The following QTMAN variants were observed in gnomAD, a reference collection of about 807,000 sequenced individuals.
QTMAN encodes the protein queuosine-tRNA mannosyltransferase.
the QTMAN span, among the ~76,000 whole-genome samples, chr2:144,083,803 AAG>A: frequency 2.7e-5 from 3 of 109,788 alleles, no homozygotes; most frequent in Non-Finnish European, 3.3e-5. Context: ...ACCCAGCCCG[AAG>A]TTTCTATACA....
chr2:144,108,799 A>C, the QTMAN span, among the ~76,000 whole-genome samples: 1 of 152,274 alleles, frequency 6.6e-6, no homozygotes, highest in South Asian at 2.1e-4. Flanking sequence ...TCATGAGTGA[A>C]CTCCTATTCA....
chr2:144,067,087 C>A, the QTMAN span, among the ~76,000 whole-genome samples: 1 of 152,198 alleles, frequency 6.6e-6, no homozygotes, highest in Non-Finnish European at 1.5e-5. Context: ...GATGCTTTTA[C>A]ACTCATTATT....
the QTMAN span, among the ~76,000 whole-genome samples, chr2:144,036,827 C>G: frequency 1.3e-5 from 2 of 152,042 alleles, no homozygotes; most frequent in Admixed American, 1.3e-4. Flanking sequence ...TGGGGGTAAT[C>G]AAAGGTAGTA....
At chr2:144,207,338 G>A in the QTMAN span, among the ~76,000 whole-genome samples, 4 of 152,028 alleles carry the variant, frequency 2.6e-5, no homozygotes, top group East Asian at 1.9e-4. Flanking sequence ...ACAGAAAATC[G>A]TTACTCTCTG....
At chr2:144,146,361 T>C in the QTMAN span, among the ~76,000 whole-genome samples, 1 of 151,242 alleles carries the variant, frequency 6.6e-6, no homozygotes, top group Non-Finnish European at 1.5e-5. Context: ...ATGCATCATC[T>C]GTAAAATCCC....
the QTMAN span, among the ~76,000 whole-genome samples, chr2:144,206,248 C>A: frequency 6.6e-6 from 1 of 152,090 alleles, no homozygotes; most frequent in African/African-American, 2.4e-5. Context: ...AATCATTTTA[C>A]CTTTATGAGT....
the QTMAN span, among the ~76,000 whole-genome samples, chr2:144,158,044 C>T: frequency 2.0e-5 from 3 of 152,000 alleles, no homozygotes; most frequent in African/African-American, 4.8e-5. Flanking sequence ...TAAGATGATG[C>T]CAACTCATTG....
the QTMAN span, among the ~76,000 whole-genome samples, chr2:144,080,428 T>G: frequency 1.8e-4 from 27 of 152,186 alleles, no homozygotes; most frequent in Admixed American, 1.8e-3. Context: ...TCTCTCAGAT[T>G]AGCTATATAC....
the QTMAN span, chr2:144,208,653 C>T: frequency 1.9e-5 from 31 of 1,613,850 alleles, 1 homozygote; most frequent in African/African-American, 2.1e-4. Context: ...AAGCAGATGT[C>T]CGGGCTCTCC....
At chr2:143,982,451 C>T in the QTMAN span, among the ~76,000 whole-genome samples, 2 of 151,058 alleles carry the variant, frequency 1.3e-5, no homozygotes, top group East Asian at 2.0e-4. Flanking sequence ...AGGCTGGTTT[C>T]GAACTCCTGA....
the QTMAN span, among the ~76,000 whole-genome samples, chr2:144,124,677 G>A: frequency 2.2e-3 from 334 of 152,040 alleles, 2 homozygotes; most frequent in South Asian, 0.012. Flanking sequence ...ACCAAATTCC[G>A]GTGTTCAGTT....
the QTMAN span, among the ~76,000 whole-genome samples, chr2:144,316,840 G>A: frequency 5.3e-5 from 8 of 152,130 alleles, no homozygotes; most frequent in Non-Finnish European, 1.2e-4. Flanking sequence ...TCACCAGAAA[G>A]AAAAGGTCTC....
chr2:144,133,486 AAT>A, the QTMAN span, among the ~76,000 whole-genome samples: 181 of 82,452 alleles, frequency 2.2e-3, no homozygotes, highest in South Asian at 4.7e-3. Context: ...TAATATATAA[AAT>A]ATATATTATA....
At chr2:144,133,148 T>A in the QTMAN span, among the ~76,000 whole-genome samples, 8 of 43,848 alleles carry the variant, frequency 1.8e-4, no homozygotes, top group African/African-American at 1.0e-3. Context: ...TATATATATA[T>A]ATAATATAAT....
the QTMAN span, among the ~76,000 whole-genome samples, chr2:144,090,474 T>A: frequency 6.6e-6 from 1 of 151,776 alleles, no homozygotes; most frequent in African/African-American, 2.4e-5. Flanking sequence ...TCTGATAAAA[T>A]CTACAAAAAA....
the QTMAN span, among the ~76,000 whole-genome samples, chr2:144,066,962 A>G: frequency 1.3e-5 from 2 of 152,174 alleles, no homozygotes; most frequent in African/African-American, 4.8e-5. Flanking sequence ...TTTGACGCCT[A>G]TTTATTTTCT....
chr2:143,947,596 C>T, the QTMAN span, among the ~76,000 whole-genome samples: 1 of 152,108 alleles, frequency 6.6e-6, no homozygotes, highest in Non-Finnish European at 1.5e-5. Flanking sequence ...ATATTTATAA[C>T]AGGTTTATAT....
the QTMAN span, among the ~76,000 whole-genome samples, chr2:144,271,610 A>C: frequency 6.6e-6 from 1 of 152,318 alleles, no homozygotes; most frequent in East Asian, 1.9e-4. Context: ...AATTACATGT[A>C]ACCTAAGGCT....
the QTMAN span, among the ~76,000 whole-genome samples, chr2:144,099,746 C>T: frequency 6.6e-6 from 1 of 152,178 alleles, no homozygotes; most frequent in Non-Finnish European, 1.5e-5. Flanking sequence ...GGTTGGGGTA[C>T]ACTTCTGTGA....
Sources: gnomAD v4.1 joint callset for allele counts (sites outside exome capture counted in the v4.1 genomes callset) on GRCh38, gnomAD v4.1.1 for gene constraint, MANE v1.5 for transcripts, NCBI Gene and HGNC (gene_info 2026-07-23, HGNC 2026-07-21) for gene names.